NRG2: variants seen among roughly 807,000 people sequenced by gnomAD.
The protein encoded by NRG2 is neuregulin 2, also known as pro-neuregulin-2, membrane-bound isoform.
A neutral mutation model predicts 73.9 loss-of-function variants in NRG2; 27 were observed. That is an observed-to-expected ratio of 0.37 (90% CI 0.27 to 0.50). NRG2 has a LOEUF of 0.50. Among genes scored for constraint, NRG2 ranks in the 20% least tolerant of loss-of-function variants. NRG2 has a pLI of 0.96. For missense variants in NRG2, 1,126 were observed against 1,210.1 expected, an observed-to-expected ratio of 0.93 and a Z score of 1.03; for synonymous variants, 532 against 541.0, an observed-to-expected ratio of 0.98 and a Z score of 0.23.
intron 1 of NRG2, among the ~76,000 whole-genome samples, chr5:140,029,646 C>T (rs1439060491): frequency 7.2e-6 from 1 of 139,150 alleles, no homozygotes; most frequent in East Asian, 2.1e-4. Flanking sequence ...TGAGATCGTA[C>T]CACTGCACTC....
intron 1 of NRG2, among the ~76,000 whole-genome samples, chr5:140,009,086 T>G (rs1759154337): frequency 6.6e-6 from 1 of 152,184 alleles, no homozygotes; most frequent in Non-Finnish European, 1.5e-5. Context: ...CCCTAAAAGA[T>G]CCTGGCAAAA....
intron 5 of NRG2, chr5:139,860,060 G>C: frequency 3.9e-6 from 3 of 759,540 alleles, no homozygotes; most frequent in Non-Finnish European, 6.7e-6. Flanking sequence ...AAGCAGGTTA[G>C]TAGTGTCCCC....
chr5:139,934,702 G>A (rs1469587601), intron 1 of NRG2, among the ~76,000 whole-genome samples: 1 of 152,108 alleles, frequency 6.6e-6, no homozygotes, highest in East Asian at 1.9e-4. Context: ...AAAAAAGAAA[G>A]ACCAAACAAT....
chr5:139,938,915 A>G (rs868179050), intron 1 of NRG2, among the ~76,000 whole-genome samples: 18 of 125,278 alleles, frequency 1.4e-4, no homozygotes, highest in African/African-American at 3.7e-4. Context: ...AAAAGAAAGA[A>G]AGAAAGAAAG....
intron 1 of NRG2, among the ~76,000 whole-genome samples, chr5:139,961,749 G>T (rs1580824986): frequency 6.6e-6 from 1 of 152,196 alleles, no homozygotes; most frequent in South Asian, 2.1e-4. Context: ...GTGAAAGCAG[G>T]GCTGGCAAAG....
intron 1 of NRG2, among the ~76,000 whole-genome samples, chr5:139,946,405 C>T (rs1026595887): frequency 1.3e-5 from 2 of 151,974 alleles, no homozygotes; most frequent in African/African-American, 4.8e-5. Flanking sequence ...TGTTCTGAGA[C>T]AACTAGATAT....
chr5:140,036,054 G>A (rs923303154), intron 1 of NRG2, among the ~76,000 whole-genome samples: 1 of 152,144 alleles, frequency 6.6e-6, no homozygotes, highest in Non-Finnish European at 1.5e-5. Context: ...GCACAATCAG[G>A]TCCTGAACAG....
At chr5:139,911,613 A>T (rs1008953656) in intron 1 of NRG2, among the ~76,000 whole-genome samples, 15 of 152,172 alleles carry the variant, frequency 9.9e-5, no homozygotes, top group Non-Finnish European at 1.3e-4. Context: ...AGCTGCCTGG[A>T]TTCCTGCTGC....
intron 1 of NRG2, among the ~76,000 whole-genome samples, chr5:139,970,608 T>G (rs1755891551): frequency 6.6e-6 from 1 of 152,232 alleles, no homozygotes; most frequent in African/African-American, 2.4e-5. Flanking sequence ...AGCCCTGCTA[T>G]CCCCTGATGA....
chr5:139,861,267 C>T (rs935442425), intron 5 of NRG2, among the ~76,000 whole-genome samples: 1 of 152,192 alleles, frequency 6.6e-6, no homozygotes, highest in Non-Finnish European at 1.5e-5. Flanking sequence ...GTCAGCACCA[C>T]TAGATCCAGG....
chr5:139,904,234 G>C lies in NRG2; in HGVS notation c.701-16723C>G. 1.3e-6 allele frequency: 2 copies of C among 1,504,670 alleles called. No homozygotes were observed. Among genetic ancestry groups the C allele is most frequent in the Non-Finnish European group, 1.8e-6 (2 of 1,126,504 alleles). The allele number at this position is 1,504,670 out of a possible 1,614,324, so 93.2% of individuals were successfully genotyped here. Reference sequence around the variant, plus strand: ...CGCAGCCTAGACTCACCCGCGCTGCGCTGGGGGCGGGTGAGCGGGCGGCAG... The same window carrying C: ...CGCAGCCTAGACTCACCCGCGCTGCCCTGGGGGCGGGTGAGCGGGCGGCAG... On this transcript the variant is annotated intron_variant, in intron 1 of 9. Transcript: ENST00000361474. This position sits in a 1 kb window ranked among gnomAD's most constrained non-coding sequence, Gnocchi z 6.0.
At position 139,847,940 on chromosome 5, in the gene NRG2, T is replaced by C. The variant is rs1172397662; in HGVS notation, c.2530A>G (p.Lys844Glu). The stretch of plus-strand genomic sequence containing the variant: ...CCCTAGAGTGGCGCCGAGTCCTGCT[T>C]GGCCCGCGGGGGCGGCCCGCGGCTG... ...RHSRGPPPRA[K>E]QDSAPL The change falls in exon 10 of 10, where the codon AAG becomes GAG. Residue 844 changes from lysine (K) to glutamate (E), a missense_variant. Transcript: ENST00000361474. 8 of 1,499,088 alleles carry C rather than the reference T, an allele frequency of 5.3e-6. No homozygotes were observed. The Admixed American group carries it at 1.5e-4, about 29-fold the overall frequency. The allele number at this position is 1,499,088 out of a possible 1,614,324, so 92.9% of individuals were successfully genotyped here.
At chr5:139,913,261 A>G (rs902791768) in intron 1 of NRG2, among the ~76,000 whole-genome samples, 1 of 151,844 alleles carries the variant, frequency 6.6e-6, no homozygotes, top group African/African-American at 2.4e-5. Context: ...ATCTGCACTC[A>G]CCCCTGTATC....
At chr5:139,997,868 G>A (rs1451731402) in intron 1 of NRG2, among the ~76,000 whole-genome samples, 3 of 152,246 alleles carry the variant, frequency 2.0e-5, no homozygotes, top group Non-Finnish European at 4.4e-5. Context: ...AACTAAGAGA[G>A]GGCCATGGGC....
In NRG2 at chr5:139,848,115, G is replaced by C. The variant is rs1233977741; in HGVS notation, c.2355C>G (p.Asp785Glu). Residue 785 changes from aspartate to glutamate, a missense_variant, in exon 10 of 10, where the codon GAC (aspartate) becomes GAG (glutamate). Asp to Glu is a conservative substitution (Grantham distance 45, BLOSUM62 2). This residue lies in a region of NRG2 where 402 missense variants were observed against 357.8 expected (regional missense o/e 1.12). Coordinates refer to ENST00000361474, the MANE Select transcript of NRG2 (RefSeq NM_004883.3). ...SASDDDADDA[D>E]GALAAESTPF... ...GTGTGCTCTCGGCCGCCAGCGCCCCGTCCGCGTCGTCCGCGTCGTCGTCCG... is the reference window on the plus strand; with the variant it reads ...GTGTGCTCTCGGCCGCCAGCGCCCCCTCCGCGTCGTCCGCGTCGTCGTCCG... 1.4e-6 allele frequency: 2 copies of C among 1,471,312 alleles called. No homozygotes were observed. The highest frequency in any genetic ancestry group is 2.6e-5 in the South Asian group (2 of 77,764). 91.1% of individuals were successfully genotyped at this position (1,471,312 alleles called of 1,614,324 possible).
intron 1 of NRG2, among the ~76,000 whole-genome samples, chr5:139,963,290 T>C (rs1011098974): frequency 6.6e-6 from 1 of 152,208 alleles, no homozygotes; most frequent in African/African-American, 2.4e-5. Flanking sequence ...GGCCATATCC[T>C]TCCTTTAAAA....
intron 1 of NRG2, among the ~76,000 whole-genome samples, chr5:139,973,350 C>T (rs752858017): frequency 7.2e-5 from 11 of 152,024 alleles, no homozygotes; most frequent in Non-Finnish European, 1.6e-4. Flanking sequence ...ATGTTCCTTC[C>T]TTATATCCTC....
At chr5:139,922,370 A>G (rs1169279679) in intron 1 of NRG2, among the ~76,000 whole-genome samples, 3 of 152,220 alleles carry the variant, frequency 2.0e-5, no homozygotes, top group Non-Finnish European at 4.4e-5. Context: ...ATATATCATC[A>G]GGAAATTGCA....
intron 6 of NRG2, among the ~76,000 whole-genome samples, chr5:139,854,447 T>A (rs1761688317): frequency 6.6e-6 from 1 of 152,380 alleles, no homozygotes; most frequent in East Asian, 1.9e-4. Context: ...CAGGACCTGG[T>A]GTCCAGCAGG....
Sources: allele counts gnomAD v4.1 joint callset (sites outside exome capture counted in the v4.1 genomes callset), GRCh38; gene constraint gnomAD v4.1.1; regional missense constraint gnomAD v4.1.1; non-coding constraint Gnocchi (gnomAD v3.1); transcripts MANE v1.5; gene names NCBI Gene and HGNC (gene_info 2026-07-23, HGNC 2026-07-21).